Variants in EYS observed in about 807,000 individuals in gnomAD.
The protein encoded by EYS is EGF-like photoreceptor maintenance factor, also known as protein eyes shut homolog.
EYS carries 250 observed loss-of-function variants against 282.1 expected under a neutral mutation model. The ratio of observed to expected loss-of-function variants is 0.89; its 90% CI spans 0.80 to 0.98. EYS has a LOEUF of 0.98. Among genes scored for constraint, EYS ranks in the 50% least tolerant of loss-of-function variants. The pLI is 0.00. For missense variants in EYS, 4,016 were observed against 3,709.0 expected, an observed-to-expected ratio of 1.08 and a Z score of -2.15; for synonymous variants, 1,355 against 1,282.9, an observed-to-expected ratio of 1.06 and a Z score of -1.20.
chr6:64,860,262 C>T (rs1766194841), intron 19 of EYS, among the ~76,000 whole-genome samples: 1 of 152,256 alleles, frequency 6.6e-6, no homozygotes, highest in African/African-American at 2.4e-5. Context: ...CCAGTGGTGC[C>T]ATTGCCCAAG....
chr6:65,347,155 T>G (rs1770425845), intron 9 of EYS, among the ~76,000 whole-genome samples: 1 of 151,770 alleles, frequency 6.6e-6, no homozygotes. Context: ...CAATGGATAG[T>G]CATTAAATTG....
intron 30 of EYS, among the ~76,000 whole-genome samples, chr6:64,254,085 G>T (rs1767313120): frequency 6.6e-6 from 1 of 152,070 alleles, no homozygotes; most frequent in Non-Finnish European, 1.5e-5. Flanking sequence ...ATTGGTGGCA[G>T]ATTGTTGTTC....
chr6:64,131,346 T>G (rs1021946711), intron 31 of EYS, among the ~76,000 whole-genome samples: 2 of 152,026 alleles, frequency 1.3e-5, no homozygotes, highest in African/African-American at 4.8e-5. Flanking sequence ...TATTATGAAG[T>G]GTAATTGTAA....
intron 22 of EYS, among the ~76,000 whole-genome samples, chr6:64,730,096 T>G (rs1771907706): frequency 6.6e-6 from 1 of 152,188 alleles, no homozygotes; most frequent in Non-Finnish European, 1.5e-5. Flanking sequence ...AAATTTTTGT[T>G]TCTTTTTTTC....
chr6:64,987,182 C>G (rs1770886359), intron 14 of EYS, among the ~76,000 whole-genome samples: 1 of 151,460 alleles, frequency 6.6e-6, no homozygotes. Flanking sequence ...GTGGCTAAGT[C>G]CTATCACCTG....
chr6:64,174,334 T>C (rs1764563372), intron 31 of EYS, among the ~76,000 whole-genome samples: 1 of 152,138 alleles, frequency 6.6e-6, no homozygotes, highest in African/African-American at 2.4e-5. Context: ...GAGGACTATA[T>C]TTCTTTCCAA....
intron 18 of EYS, among the ~76,000 whole-genome samples, chr6:64,898,712 T>C (rs2150069865): frequency 6.7e-6 from 1 of 149,108 alleles, no homozygotes; most frequent in East Asian, 2.0e-4. Flanking sequence ...GAGATGCATC[T>C]CGTATGCAAA....
rs1443601602 is a variant in EYS, at chr6:65,299,231, TGCACTTTTTTTGC to T, written c.1767-3125_1767-3113del. On this transcript the variant is annotated intron_variant, in intron 11 of 42. Transcript: ENST00000503581. ...ATTTGTATGTGTTTAATTCATGAAT[TGCACTTTTTTTGC>T]AAAGTTACTGGTCATTTACCTTTTT... is the stretch of plus-strand genomic sequence containing the variant. Among the ~76,000 whole-genome samples, 15 of 152,310 alleles carry T rather than the reference TGCACTTTTTTTGC, an allele frequency of 9.8e-5. No homozygotes were observed. The South Asian group carries it at 3.1e-3, about 32-fold the overall frequency.
intron 33 of EYS, among the ~76,000 whole-genome samples, chr6:64,058,464 A>G (rs1403995301): frequency 6.6e-6 from 1 of 152,188 alleles, no homozygotes; most frequent in Admixed American, 6.5e-5. Context: ...AACCATAATG[A>G]TAAATTCCAG....
chr6:65,372,637 GC>G (rs1286876705), intron 8 of EYS, among the ~76,000 whole-genome samples: 2 of 151,870 alleles, frequency 1.3e-5, no homozygotes. Flanking sequence ...CAATTGTAAA[GC>G]AACAATTGTT....
At chr6:65,064,112 T>C (rs1295231235) in intron 12 of EYS, among the ~76,000 whole-genome samples, 4 of 145,662 alleles carry the variant, frequency 2.7e-5, no homozygotes, top group Admixed American at 7.1e-5. Context: ...ATATACTATA[T>C]ATAGTATATT....
chr6:65,256,280 T>A (rs1378214948), intron 12 of EYS, among the ~76,000 whole-genome samples: 1 of 128,468 alleles, frequency 7.8e-6, no homozygotes, highest in Non-Finnish European at 1.6e-5. Context: ...TTTTCTTTTT[T>A]TTTTTTAATT....
intron 29 of EYS, among the ~76,000 whole-genome samples, chr6:64,330,429 C>T (rs937224286): frequency 2.6e-5 from 4 of 152,090 alleles, no homozygotes; most frequent in Non-Finnish European, 5.9e-5. Context: ...GGAAAGAACC[C>T]CTCCTGTGGG....
intron 42 of EYS, among the ~76,000 whole-genome samples, chr6:63,722,323 A>G (rs1768431346): frequency 6.6e-6 from 1 of 152,040 alleles, no homozygotes; most frequent in Non-Finnish European, 1.5e-5. Context: ...GATAACTCCT[A>G]CCTGTCCTTC....
intron 31 of EYS, among the ~76,000 whole-genome samples, chr6:64,120,432 T>C (rs112601919): frequency 0.055 from 8,124 of 147,612 alleles, 681 homozygotes; most frequent in African/African-American, 0.18. Context: ...ACCAAAACAA[T>C]GATAATACAA....
chr6:64,604,679 G>T (rs1473198279), intron 24 of EYS, among the ~76,000 whole-genome samples: 1 of 152,054 alleles, frequency 6.6e-6, no homozygotes, highest in Non-Finnish European at 1.5e-5. Context: ...CAAGTTCATT[G>T]ATTTGCTGTA....
At chr6:65,141,247 A>C (rs1488249986) in intron 12 of EYS, among the ~76,000 whole-genome samples, 2 of 152,050 alleles carry the variant, frequency 1.3e-5, no homozygotes, top group African/African-American at 4.8e-5. Flanking sequence ...CAAGGACAAA[A>C]AACCAAACAC....
chr6:65,159,354 T>C (rs1172038793), intron 12 of EYS, among the ~76,000 whole-genome samples: 2 of 150,874 alleles, frequency 1.3e-5, no homozygotes, highest in Non-Finnish European at 3.0e-5. Flanking sequence ...GAAAGAGTGC[T>C]CTAGGTATGT....
chr6:63,723,726 AC>A (rs1768498815), intron 42 of EYS, among the ~76,000 whole-genome samples: 1 of 151,584 alleles, frequency 6.6e-6, no homozygotes, highest in Non-Finnish European at 1.5e-5. Context: ...AAAATCATAG[AC>A]TTTTAAATTT....
Sources: gnomAD v4.1 joint callset for allele counts (sites outside exome capture counted in the v4.1 genomes callset) on GRCh38, gnomAD v4.1.1 for gene constraint, MANE v1.5 for transcripts, NCBI Gene and HGNC (gene_info 2026-07-23, HGNC 2026-07-21) for gene names.